NOP14: variants seen among roughly 807,000 people sequenced by gnomAD.
NOP14 encodes the protein NOP14 nucleolar protein.
In NOP14, 57 loss-of-function variants were observed where a neutral mutation model predicts 101.6. That is an observed-to-expected ratio of 0.56 (90% CI 0.45 to 0.70). The LOEUF (loss-of-function observed/expected upper bound fraction) is 0.70, where lower values mean the gene tolerates loss of function less well. Ranked by LOEUF, NOP14 falls within the 30% of genes least tolerant of loss-of-function variation. NOP14 has a pLI of 0.00. For synonymous variants in NOP14, 428 were observed against 424.0 expected (o/e 1.01, Z -0.12); for missense variants, 1,134 against 1,075.5 (o/e 1.05, Z -0.76).
intron 1 of NOP14, among the ~76,000 whole-genome samples, chr4:2,960,653 T>C (rs982665749): frequency 6.8e-6 from 1 of 146,608 alleles, no homozygotes; most frequent in Non-Finnish European, 1.5e-5. Context: ...TTAATATAGT[T>C]ACTATATATT....
chr4:2,960,979 AATATTATAT>A (rs1464636765), intron 1 of NOP14, among the ~76,000 whole-genome samples: 772 of 53,474 alleles, frequency 0.014, 66 homozygotes, highest in African/African-American at 0.023. Context: ...ATATTATATT[AATATTATAT>A]CGATATTATT....
intron 1 of NOP14, chr4:2,961,753 C>T (rs1268574159): frequency 6.6e-6 from 1 of 152,258 alleles, no homozygotes; most frequent in Non-Finnish European, 1.5e-5. Context: ...CTAACTATTA[C>T]ACTTTTTCCT....
At chr4:2,955,569 G>A (rs965997880) in intron 3 of NOP14, among the ~76,000 whole-genome samples, 2 of 151,550 alleles carry the variant, frequency 1.3e-5, no homozygotes, top group African/African-American at 4.9e-5. Context: ...GCACGCCACG[G>A]CGCCCCCTCT....
intron 3 of NOP14, among the ~76,000 whole-genome samples, chr4:2,956,320 G>A (rs1715340623): frequency 6.6e-6 from 1 of 152,158 alleles, no homozygotes; most frequent in Non-Finnish European, 1.5e-5. Context: ...GAGTCAGTGA[G>A]GTGGGTTCTC....
intron 7 of NOP14, 132 bp downstream of exon 7, chr4:2,950,982 A>T: frequency 2.5e-6 from 2 of 813,210 alleles, no homozygotes; most frequent in Non-Finnish European, 3.9e-6. Context: ...ACACCCAGAT[A>T]AAGAACTTTA....
intron 1 of NOP14, chr4:2,961,242 TA>T (rs2109319794): frequency 6.8e-6 from 1 of 146,724 alleles, no homozygotes; most frequent in African/African-American, 2.5e-5. Flanking sequence ...TATATTAATA[TA>T]TAGTAACTAT....
intron 1 of NOP14, among the ~76,000 whole-genome samples, chr4:2,962,843 A>C (rs1372050804): frequency 2.0e-5 from 3 of 152,180 alleles, no homozygotes; most frequent in Non-Finnish European, 4.4e-5. Context: ...GTTAACAAGC[A>C]GCTTGGTCCA....
chr4:2,961,093 A>C (rs1276853905), intron 1 of NOP14, among the ~76,000 whole-genome samples: 8 of 38,338 alleles, frequency 2.1e-4, no homozygotes, highest in Admixed American at 9.4e-4. Context: ...TATTATAATA[A>C]TATATTAATA....
At position 2,938,749 on chromosome 4, in the gene NOP14, C is replaced by G. The variant is rs574770684; in HGVS notation, c.*82G>C. On this transcript the variant is annotated 3_prime_UTR_variant, in exon 18 of 18. Coordinates refer to ENST00000416614, the MANE Select transcript of NOP14 (RefSeq NM_001291978.2). ...TCTCGAACTCCTGGGCTGAAGCAATCTTCCTGCCTTGGCCTCCCAGAGGGT... is the reference window on the plus strand; with the variant it reads ...TCTCGAACTCCTGGGCTGAAGCAATGTTCCTGCCTTGGCCTCCCAGAGGGT... 159 of 1,164,572 alleles carry G rather than the reference C, an allele frequency of 1.4e-4. No individual in the cohort carries two copies. The highest frequency in any genetic ancestry group is 8.1e-4 in the Middle Eastern group (3 of 3,708). 72.1% of individuals were successfully genotyped at this position (1,164,572 alleles called of 1,614,324 possible).
At position 2,963,218 on chromosome 4, in the gene NOP14, C is replaced by T. The variant is rs754988581; in HGVS notation, c.102G>A (p.Val34=). ...PAKANSNPFE[V]KVNRQKFQIL... ...TCTGGAACTTCTGCCTGTTAACTTT[C>T]ACCTCGAACGGATTGGAGTTGGCCT... Residue 34 remains valine (V), a synonymous_variant, in exon 1 of 18, where the codon GTG becomes GTA. Coordinates refer to ENST00000416614, the MANE Select transcript of NOP14 (RefSeq NM_001291978.2). The T allele has an allele frequency of 6.3e-7, 1 of 1,590,420 alleles. No individual in the cohort carries two copies. The highest frequency in any genetic ancestry group is 8.5e-7 in the Non-Finnish European group (1 of 1,170,682).
chr4:2,958,031 G>C (rs1437047698), intron 1 of NOP14, among the ~76,000 whole-genome samples: 3 of 152,138 alleles, frequency 2.0e-5, no homozygotes, highest in Non-Finnish European at 4.4e-5. Context: ...GGCATGAATG[G>C]CTCCCTCGGC....
chr4:2,963,015 G>T, intron 1 of NOP14, 110 bp downstream of exon 1: 1 of 1,137,904 alleles, frequency 8.8e-7, no homozygotes, highest in Non-Finnish European at 1.2e-6. Flanking sequence ...TGCCTGTCAC[G>T]GCCTGTGCCG....
chr4:2,943,730 C>G (rs186124200), intron 13 of NOP14, among the ~76,000 whole-genome samples: 1 of 152,346 alleles, frequency 6.6e-6, no homozygotes, highest in Admixed American at 6.5e-5. Flanking sequence ...ACCCCAAATA[C>G]CAAAATATTA....
intron 14 of NOP14, 104 bp from the exon 15 acceptor site, chr4:2,941,833 A>G: frequency 2.2e-6 from 3 of 1,342,938 alleles, no homozygotes; most frequent in Non-Finnish European, 3.1e-6. Context: ...TAGGCTGAAA[A>G]CTCCAGTGTG....
chr4:2,949,083 G>C (rs1714845896), intron 8 of NOP14, among the ~76,000 whole-genome samples: 1 of 152,204 alleles, frequency 6.6e-6, no homozygotes, highest in South Asian at 2.1e-4. Flanking sequence ...AGCAGTGTCA[G>C]CTCAGGAGAC....
In NOP14 at chr4:2,953,954, G is replaced by A. The variant is rs144627865; in HGVS notation, c.613-309C>T. Among the ~76,000 whole-genome samples, 87 of 152,290 alleles carry A rather than the reference G, an allele frequency of 5.7e-4. 1 individual carries two copies. Among genetic ancestry groups the A allele is most frequent in the South Asian group, 3.3e-3 (16 of 4,822 alleles). Reference sequence around the variant, plus strand: ...CAGCAACAACAAAAAACCCATCCGCGCCAGGTGCAGTGGCCCACCCTGTGC... The same window carrying A: ...CAGCAACAACAAAAAACCCATCCGCACCAGGTGCAGTGGCCCACCCTGTGC... On this transcript the variant is annotated intron_variant, in intron 4 of 17. Coordinates refer to ENST00000416614, the MANE Select transcript of NOP14 (RefSeq NM_001291978.2).
rs368956240 is a variant in NOP14 at position 2,945,106 on chromosome 4, G to A, written c.1737+22C>T. 2.1e-4 allele frequency: 329 copies of A among 1,540,476 alleles called. No homozygotes were observed. In the African/African-American group the frequency reaches 4.2e-3, roughly 20 times the overall value. ...CCCGTGGTGCAGCAGGCCGACCCCT[G>A]CCGCATGTGGAGAGAACGCACCTTG... On this transcript the variant is annotated intron_variant, in intron 12 of 17. Coordinates refer to ENST00000416614, the MANE Select transcript of NOP14 (RefSeq NM_001291978.2).
intron 3 of NOP14, among the ~76,000 whole-genome samples, chr4:2,954,822 G>A (rs1715232690): frequency 6.6e-6 from 1 of 152,030 alleles, no homozygotes; most frequent in Admixed American, 6.6e-5. Flanking sequence ...GAAACACCCA[G>A]CACCTATTTT....
chr4:2,956,973 A>T (rs1422424220), intron 2 of NOP14, among the ~76,000 whole-genome samples, 162 bp from the exon 3 acceptor site: 1 of 152,154 alleles, frequency 6.6e-6, no homozygotes, highest in Non-Finnish European at 1.5e-5. Flanking sequence ...ATGATTCATG[A>T]TTCAGACAGA....
Sources: gnomAD v4.1 joint callset for allele counts (sites outside exome capture counted in the v4.1 genomes callset) on GRCh38, gnomAD v4.1.1 for gene constraint, MANE v1.5 for transcripts, NCBI Gene and HGNC (gene_info 2026-07-23, HGNC 2026-07-21) for gene names.